SMPD4: variants seen among roughly 807,000 people sequenced by gnomAD.
SMPD4 encodes the protein sphingomyelin phosphodiesterase 4.
Under a neutral mutation model 97.8 loss-of-function variants are expected in SMPD4, and 58 were observed. The observed-to-expected ratio is 0.59, with a 90% confidence interval of 0.48 to 0.74. The LOEUF (loss-of-function observed/expected upper bound fraction) is 0.74, where lower values mean the gene tolerates loss of function less well. SMPD4 is among the 30% of genes least tolerant of loss of function. The pLI is 0.00. For synonymous variants in SMPD4, 388 were observed against 450.0 expected (o/e 0.86, Z 1.74); for missense variants, 853 against 1,080.5 (o/e 0.79, Z 2.95).
intron 8 of SMPD4, among the ~76,000 whole-genome samples, chr2:130,169,031 T>A (rs1381858021): frequency 1.3e-5 from 2 of 152,162 alleles, no homozygotes; most frequent in African/African-American, 4.8e-5. Context: ...TCATTACTAT[T>A]TAACCTGGGC....
At chr2:130,165,116 A>C (rs1217532290) in intron 9 of SMPD4, among the ~76,000 whole-genome samples, 8 of 146,584 alleles carry the variant, frequency 5.5e-5, no homozygotes, top group African/African-American at 2.0e-4. Flanking sequence ...TTTAAAAAAA[A>C]AAAAAAAAAA....
chr2:130,173,573 G>A lies in SMPD4; in HGVS notation c.210C>T (p.Cys70=), dbSNP rs1272818971. 1 of 1,613,774 alleles carries A rather than the reference G, an allele frequency of 6.2e-7. No homozygotes were observed. Among genetic ancestry groups the A allele is most frequent in the Non-Finnish European group, 8.5e-7 (1 of 1,179,804 alleles). The change falls in exon 4 of 20, where the codon TGC becomes TGT. Residue 70 remains cysteine (C), a synonymous_variant. Coordinates refer to ENST00000680298, the MANE Select transcript of SMPD4 (RefSeq NM_017951.5). The part of the protein sequence containing the change: ...DGVLVGWNLR[C]LQGRVNPVEY... ...CCACAGGATTCACGCGCCCCTGTAA[G>A]CAGCGGAGGTTCCAGCCAACGAGGA... is the stretch of plus-strand genomic sequence containing the variant.
At chr2:130,155,785 G>A (rs1686722229) in intron 14 of SMPD4, among the ~76,000 whole-genome samples, 1 of 152,160 alleles carries the variant, frequency 6.6e-6, no homozygotes, top group Non-Finnish European at 1.5e-5. Flanking sequence ...GGACAGAAGG[G>A]AGAGGGGACA....
At chr2:130,177,710 A>T (rs898896040) in intron 1 of SMPD4, among the ~76,000 whole-genome samples, 2 of 151,680 alleles carry the variant, frequency 1.3e-5, no homozygotes, top group Non-Finnish European at 2.9e-5. Flanking sequence ...AAAAAAAAAG[A>T]AAAAAAGAAA....
intron 10 of SMPD4, among the ~76,000 whole-genome samples, chr2:130,162,216 A>C (rs1452892683): frequency 6.6e-6 from 1 of 152,250 alleles, no homozygotes; most frequent in South Asian, 2.1e-4. Context: ...CCTGAGGCTG[A>C]GCTGGCTCCT....
chr2:130,156,652 T>C lies in SMPD4; in HGVS notation c.1121A>G (p.Gln374Arg). 1 of 1,613,814 alleles carries C rather than the reference T, an allele frequency of 6.2e-7. No individual in the cohort carries two copies. Among genetic ancestry groups the C allele is most frequent in the Admixed American group, 1.7e-5 (1 of 60,008 alleles). Residue 374 changes from glutamine to arginine, a missense_variant, in exon 13 of 20, where the codon CAG becomes CGG. By Grantham distance (43) the Gln-to-Arg change is conservative. Transcript: ENST00000680298. ...FKRAAVPRFV[Q>R]QKLYLFLQHC... ...CTGCAAGAAGAGGTAGAGTTTCTGC[T>C]GGACGAACCTCGGGACAGCAGCCCT...
rs373235873 is a variant in SMPD4, at chr2:130,153,164, T to C, written c.2033A>G (p.Asn678Ser). The stretch of plus-strand genomic sequence containing the variant: ...CTCAATTTCAAACCTTCGCAGCCCA[T>C]TGATGATCTAGAAAGCCAGGCCATG... ...LTPLGRYQII[N>S]GLRRFEIEYQ... The change falls in exon 19 of 20, where the codon AAT (asparagine) becomes AGT (serine). Residue 678 changes from asparagine (N) to serine (S), a missense_variant. By Grantham distance (46) the Asn-to-Ser change is conservative (BLOSUM62 1). This residue lies in a region of SMPD4 where 511 missense variants were observed against 608.1 expected (regional missense o/e 0.84). Coordinates refer to ENST00000680298, the MANE Select transcript of SMPD4 (RefSeq NM_017951.5). 105 of 1,613,650 alleles carry C rather than the reference T, an allele frequency of 6.5e-5. No homozygotes were observed. Among genetic ancestry groups the C allele is most frequent in the Middle Eastern group, 3.3e-4 (2 of 6,084 alleles).
chr2:130,181,509 C>G, intron 1 of SMPD4, 21 bp downstream of exon 1: 1 of 1,593,506 alleles, frequency 6.3e-7, no homozygotes, highest in South Asian at 1.1e-5. Context: ...CCGTCTCAGG[C>G]GCGCATCCCG....
chr2:130,164,357 A>C lies in SMPD4; in HGVS notation c.864+17T>G. 3 of 1,611,642 alleles carry C rather than the reference A, an allele frequency of 1.9e-6. No individual in the cohort carries two copies. Among genetic ancestry groups the C allele is most frequent in the Non-Finnish European group, 2.5e-6 (3 of 1,177,706 alleles). On this transcript the variant is annotated intron_variant, in intron 10 of 19. Transcript: ENST00000680298. ...AGGGTCAGAAGCAGGAGGTGGGAAG[A>C]AAAACTGAAAACATACCTTGGCATG...
chr2:130,164,802 A>G (rs1687766017), intron 9 of SMPD4, among the ~76,000 whole-genome samples: 1 of 152,132 alleles, frequency 6.6e-6, no homozygotes, highest in Non-Finnish European at 1.5e-5. Flanking sequence ...AAAAAATACT[A>G]TAGATAGAGT....
chr2:130,152,482 C>G lies in SMPD4; in HGVS notation c.*73G>C. On this transcript the variant is annotated 3_prime_UTR_variant, in exon 20 of 20. Transcript: ENST00000680298. Reference sequence around the variant, plus strand: ...CCGTGTTCCCTCCTGGAGGGGCTTCCCAGGTCCTCTCAGCCCAAGGGTGGG... The same window carrying G: ...CCGTGTTCCCTCCTGGAGGGGCTTCGCAGGTCCTCTCAGCCCAAGGGTGGG... 7.1e-7 allele frequency: 1 copy of G among 1,418,394 alleles called. No individual in the cohort carries two copies. The allele number at this position is 1,418,394 out of a possible 1,614,324, so 87.9% of individuals were successfully genotyped here. A position where few individuals can be genotyped will look rare whatever the true frequency, so the allele number is the denominator to read the frequency against.
intron 1 of SMPD4, among the ~76,000 whole-genome samples, chr2:130,177,240 C>T (rs990154432): frequency 2.0e-5 from 3 of 152,188 alleles, no homozygotes; most frequent in African/African-American, 7.2e-5. Context: ...ATCAACAAGC[C>T]CAGCTAATTT....
Position 130,167,500 on chromosome 2 carries a change from G to C in SMPD4, c.750C>G (p.Asp250Glu). The change falls in exon 9 of 20, where the codon GAC (aspartate) becomes GAG (glutamate). Residue 250 changes from aspartate to glutamate, a missense_variant. Asp to Glu is a conservative substitution (Grantham distance 45, BLOSUM62 2). This residue lies in a region of SMPD4 where 313 missense variants were observed against 402.2 expected (regional missense o/e 0.78). Coordinates refer to ENST00000680298, the MANE Select transcript of SMPD4 (RefSeq NM_017951.5). ...ACCTCCAGATCTCGTGGGAGGCGGG[G>C]TCTGCATTCACAGACGTCTGATGAG... ...HISHQTSVNA[D>E]PASHEIWRSE... 5 of 1,613,842 alleles carry C rather than the reference G, an allele frequency of 3.1e-6. No individual in the cohort carries two copies. The highest frequency in any genetic ancestry group is 4.2e-6 in the Non-Finnish European group (5 of 1,179,850).
At chr2:130,153,592 C>G in intron 17 of SMPD4, 110 bp downstream of exon 17, 1 of 1,555,888 alleles carries the variant, frequency 6.4e-7, no homozygotes. Flanking sequence ...AACACTGGGT[C>G]CATATGTGTG....
rs778725416 is a variant in SMPD4 at position 130,152,766 on chromosome 2, C to T, written c.2273G>A (p.Arg758Lys). The T allele has an allele frequency of 9.4e-5, 151 of 1,605,448 alleles. No homozygotes were observed. Among genetic ancestry groups the T allele is most frequent in the South Asian group, 4.0e-4 (36 of 90,100 alleles). The change falls in exon 20 of 20, where the codon AGG becomes AAG. Residue 758 changes from arginine to lysine, a missense_variant. By Grantham distance (26) the Arg-to-Lys change is conservative (BLOSUM62 2). Coordinates refer to ENST00000680298, the MANE Select transcript of SMPD4 (RefSeq NM_017951.5). ...GCCGCGGGTGTGGCCGGCCACCTGC[C>T]TCCGCCCCACAGGGCTCAGCAGGTG... is the stretch of plus-strand genomic sequence containing the variant. The part of the protein sequence containing the change: ...SRHLLSPVGR[R>K]QVAGHTRGPR...
chr2:130,168,476 T>C (rs566571717), intron 8 of SMPD4, among the ~76,000 whole-genome samples: 17 of 152,238 alleles, frequency 1.1e-4, no homozygotes, highest in African/African-American at 3.4e-4. Flanking sequence ...ATGTTAATAC[T>C]ACTGATAATT....
At chr2:130,178,855 C>A (rs13001448) in intron 1 of SMPD4, among the ~76,000 whole-genome samples, 2 of 151,454 alleles carry the variant, frequency 1.3e-5, no homozygotes, top group Non-Finnish European at 2.9e-5. Context: ...CAGAATCCTA[C>A]CTCTCAGCTC....
intron 9 of SMPD4, among the ~76,000 whole-genome samples, chr2:130,165,144 G>C (rs2104858389): frequency 6.7e-6 from 1 of 149,328 alleles, no homozygotes; most frequent in Admixed American, 6.7e-5. Flanking sequence ...AAAAGGGCTG[G>C]GCACAGTGGC....
intron 9 of SMPD4, among the ~76,000 whole-genome samples, chr2:130,164,723 A>G (rs575656111): frequency 2.0e-5 from 3 of 152,168 alleles, no homozygotes; most frequent in Admixed American, 2.0e-4. Context: ...TATGATGCCC[A>G]AAGCACAGGC....
Sources: allele counts gnomAD v4.1 joint callset (sites outside exome capture counted in the v4.1 genomes callset), GRCh38; gene constraint gnomAD v4.1.1; regional missense constraint gnomAD v4.1.1; transcripts MANE v1.5; gene names NCBI Gene and HGNC (gene_info 2026-07-23, HGNC 2026-07-21).